The following PLCG2 variants were observed in gnomAD, a reference collection of about 807,000 sequenced individuals.
PLCG2 encodes phospholipase C gamma 2.
A neutral mutation model predicts 175.6 loss-of-function variants in PLCG2; 69 were observed. The observed-to-expected ratio is 0.39, with a 90% CI of 0.32 to 0.48. PLCG2 has a LOEUF of 0.48. Ranked by LOEUF, PLCG2 falls within the 20% of genes least tolerant of loss-of-function variation. The pLI is 0.91. For synonymous variants in PLCG2, 827 were observed against 624.0 expected (o/e 1.33, Z -4.85); for missense variants, 1,798 against 1,650.9 (o/e 1.09, Z -1.54).
chr16:81,845,264 A>T lies in PLCG2; in HGVS notation c.194-9180A>T, dbSNP rs77017238. On this transcript the variant is annotated intron_variant, in intron 2 of 32. Transcript: ENST00000564138. ...TCCCGTGTTATTTCTTATGCCTTATATGTGTCCAGCTTGATTCAGTTGCTA... is the reference window on the plus strand; with the variant it reads ...TCCCGTGTTATTTCTTATGCCTTATTTGTGTCCAGCTTGATTCAGTTGCTA... 8.2e-3 allele frequency among the ~76,000 whole-genome samples: 1,244 copies of T among 152,256 alleles called. 24 individuals are homozygous for T. Among genetic ancestry groups the T allele is most frequent in the African/African-American group, 0.029 (1,205 of 41,536 alleles).
At chr16:81,811,594 G>A (rs554838585) in intron 2 of PLCG2, among the ~76,000 whole-genome samples, 9 of 151,880 alleles carry the variant, frequency 5.9e-5, no homozygotes, top group Admixed American at 2.0e-4. Flanking sequence ...TGTTCAACTC[G>A]CACTTAAGAG....
Position 81,927,858 on chromosome 16 carries a change from G to A in PLCG2, c.2514+680G>A, listed in dbSNP as rs567541026. Among the ~76,000 whole-genome samples the A allele has an allele frequency of 5.9e-5, 9 of 152,324 alleles. No homozygotes were observed. The South Asian group carries it at 6.2e-4, about 11-fold the overall frequency. On this transcript the variant is annotated intron_variant, in intron 23 of 32. Coordinates refer to ENST00000564138, the MANE Select transcript of PLCG2 (RefSeq NM_002661.5). Reference sequence around the variant, plus strand: ...AAGTGGGAGGTACAGTCTAAGCAAAGGTGTGGCAGTGGGAATGTGGTTGTG... The same window carrying A: ...AAGTGGGAGGTACAGTCTAAGCAAAAGTGTGGCAGTGGGAATGTGGTTGTG...
chr16:81,742,748 G>A (rs145650211), intron 1 of PLCG2, among the ~76,000 whole-genome samples: 8 of 152,300 alleles, frequency 5.3e-5, no homozygotes, highest in South Asian at 2.1e-4. Context: ...CAGGTGCTAC[G>A]AGACGGGAGT....
At chr16:81,895,267 A>G (rs766505293) in intron 12 of PLCG2, among the ~76,000 whole-genome samples, 1 of 152,254 alleles carries the variant, frequency 6.6e-6, no homozygotes, top group Non-Finnish European at 1.5e-5. Context: ...CTTCTTTAAA[A>G]AGAAGCATTG....
chr16:81,939,008 T>G (rs1310910407), intron 29 of PLCG2, 93 bp downstream of exon 29: 26 of 730,212 alleles, frequency 3.6e-5, no homozygotes, highest in Non-Finnish European at 5.5e-5. Context: ...GCAATGCTCT[T>G]TAGTTGTCCC....
intron 2 of PLCG2, among the ~76,000 whole-genome samples, chr16:81,850,004 C>T (rs1906325611): frequency 6.6e-6 from 1 of 152,126 alleles, no homozygotes; most frequent in South Asian, 2.1e-4. Context: ...TGTTGATTTC[C>T]TCTAAAAATG....
At position 81,960,510 on chromosome 16, in the gene PLCG2, G is replaced by C. The variant is rs1343094595; in HGVS notation, c.*2512G>C. The C allele has an allele frequency of 4.3e-6, 1 of 231,264 alleles. No homozygotes were observed. Among genetic ancestry groups the C allele is most frequent in the Non-Finnish European group, 8.6e-6 (1 of 116,934 alleles). 14.3% of individuals were successfully genotyped at this position (231,264 alleles called of 1,614,324 possible). On this transcript the variant is annotated 3_prime_UTR_variant, in exon 33 of 33. Transcript: ENST00000564138. ...AAAATAAAGTGGGGAGGCTGGTTAG[G>C]CCTTGTGAGTTTGGGAAACTTAGGT...
At chr16:81,747,619 G>A (rs1315370723) in intron 1 of PLCG2, among the ~76,000 whole-genome samples, 1 of 152,136 alleles carries the variant, frequency 6.6e-6, no homozygotes, top group Non-Finnish European at 1.5e-5. Flanking sequence ...TAGAGGATGA[G>A]TTACATCAAT....
At chr16:81,817,905 T>A (rs1233926325) in intron 2 of PLCG2, among the ~76,000 whole-genome samples, 1 of 152,210 alleles carries the variant, frequency 6.6e-6, no homozygotes, top group African/African-American at 2.4e-5. Flanking sequence ...TTCCTTACTG[T>A]TTCGGGGAGA....
At chr16:81,808,957 G>T (rs187809913) in intron 2 of PLCG2, among the ~76,000 whole-genome samples, 1 of 152,208 alleles carries the variant, frequency 6.6e-6, no homozygotes, top group Non-Finnish European at 1.5e-5. Context: ...CCTGATGAAG[G>T]TTGCTGCCTG....
In PLCG2 at chr16:81,786,090, G is replaced by A. The variant is rs537204469; in HGVS notation, c.101G>A (p.Arg34His). 2.5e-6 allele frequency: 4 copies of A among 1,614,174 alleles called. No homozygotes were observed. The highest frequency in any genetic ancestry group is 2.2e-5 in the South Asian group (2 of 91,082). The change falls in exon 2 of 33, where the codon CGC becomes CAC. Residue 34 changes from arginine (R) to histidine (H), a missense_variant. Transcript: ENST00000564138. ...LGTVMTVFSF[R>H]KSTPERRTVQ... ...ACGGTGATGACTGTGTTCAGCTTCC[G>A]CAAGTCCACCCCCGAGCGGAGAACC...
At chr16:81,824,700 C>T (rs28731296) in intron 2 of PLCG2, among the ~76,000 whole-genome samples, 6,027 of 152,286 alleles carry the variant, frequency 0.04, 169 homozygotes, top group African/African-American at 0.073. Context: ...CTCGTAGCTG[C>T]CATGTGACCT....
intron 2 of PLCG2, among the ~76,000 whole-genome samples, chr16:81,797,828 TTTTC>T (rs1911540111): frequency 6.7e-6 from 1 of 149,004 alleles, no homozygotes; most frequent in African/African-American, 2.5e-5. Context: ...CAGTTTTCTT[TTTTC>T]TTGTCTTTTT....
At chr16:81,910,053 G>T (rs1264706525) in intron 17 of PLCG2, among the ~76,000 whole-genome samples, 1 of 152,014 alleles carries the variant, frequency 6.6e-6, no homozygotes, top group African/African-American at 2.4e-5. Context: ...TGGAATCCAG[G>T]CTGAGGGTCT....
intron 9 of PLCG2, 129 bp from the exon 10 acceptor site, chr16:81,889,043 G>A: frequency 1.6e-6 from 1 of 612,940 alleles, no homozygotes. Flanking sequence ...AACATGTGGT[G>A]GTCGATTGCA....
At chr16:81,872,811 C>T (rs970569482) in intron 7 of PLCG2, among the ~76,000 whole-genome samples, 2 of 152,230 alleles carry the variant, frequency 1.3e-5, no homozygotes, top group South Asian at 2.1e-4. Flanking sequence ...GTCTTCTCCT[C>T]TGTGCAATGG....
chr16:81,929,736 G>A (rs993530723), intron 24 of PLCG2, among the ~76,000 whole-genome samples: 2 of 152,204 alleles, frequency 1.3e-5, no homozygotes, highest in Non-Finnish European at 2.9e-5. Flanking sequence ...CCTTTACAAT[G>A]ATCCAGCAGG....
intron 2 of PLCG2, among the ~76,000 whole-genome samples, chr16:81,841,180 C>T (rs573529247): frequency 2.6e-5 from 4 of 152,084 alleles, no homozygotes; most frequent in African/African-American, 9.6e-5. Flanking sequence ...AGGCCCACCC[C>T]CTATCTGCAG....
At chr16:81,802,737 G>C (rs546733190) in intron 2 of PLCG2, among the ~76,000 whole-genome samples, 1 of 151,810 alleles carries the variant, frequency 6.6e-6, no homozygotes, top group Non-Finnish European at 1.5e-5. Flanking sequence ...ACGCCCAGCT[G>C]ATTTTGTATT....
Sources: allele counts gnomAD v4.1 joint callset (sites outside exome capture counted in the v4.1 genomes callset), GRCh38; gene constraint gnomAD v4.1.1; transcripts MANE v1.5; gene names NCBI Gene and HGNC (gene_info 2026-07-23, HGNC 2026-07-21).